LRRC37A2: variants seen among roughly 807,000 people sequenced by gnomAD.
LRRC37A2 encodes the protein leucine rich repeat containing 37 member A2, also known as leucine-rich repeat-containing protein 37A2.
Under a neutral mutation model 68.8 loss-of-function variants are expected in LRRC37A2, and 9 were observed. The ratio of observed to expected loss-of-function variants is 0.13; its 90% CI spans 0.08 to 0.23. LRRC37A2 has a LOEUF of 0.23. LRRC37A2 is among the 10% of genes least tolerant of loss of function. The probability of loss-of-function intolerance (pLI) is 1.00; values close to 1 mark genes in which losing one functional copy is unlikely to be tolerated. For synonymous variants in LRRC37A2, 63 were observed against 367.6 expected (o/e 0.17, Z 9.48); for missense variants, 168 against 950.4 (o/e 0.18, Z 10.82).
At chr17:46,895,151 G>C in the LRRC37A2 span, among the ~76,000 whole-genome samples, 1 of 152,230 alleles carries the variant, frequency 6.6e-6, no homozygotes. Flanking sequence ...GAGAGGACAC[G>C]GGGCCATCAG....
chr17:46,936,102 T>G, the LRRC37A2 span: 45 of 985,824 alleles, frequency 4.6e-5, no homozygotes, highest in Non-Finnish European at 5.3e-5. Flanking sequence ...CACCTCCTGC[T>G]GACAGTTGCA....
At chr17:46,758,013 A>G in the LRRC37A2 span, among the ~76,000 whole-genome samples, 4 of 151,882 alleles carry the variant, frequency 2.6e-5, no homozygotes, top group Non-Finnish European at 4.4e-5. Context: ...AAAAAAAAAA[A>G]TCAACTCAGG....
the LRRC37A2 span, among the ~76,000 whole-genome samples, chr17:46,828,071 C>T: frequency 2.0e-5 from 3 of 152,092 alleles, no homozygotes; most frequent in Admixed American, 6.5e-5. Context: ...CATGATCCGC[C>T]CACCTCGGCC....
chr17:46,553,964 T>C (rs2057092183), intron 12 of LRRC37A2: 1 of 969,094 alleles, frequency 1.0e-6, no homozygotes, highest in African/African-American at 2.0e-5. Context: ...GAGAGGGCAC[T>C]TGTCTCCTTC....
the LRRC37A2 span, among the ~76,000 whole-genome samples, chr17:47,009,361 C>T: frequency 1.3e-5 from 2 of 152,168 alleles, 1 homozygote; most frequent in South Asian, 4.1e-4. Flanking sequence ...TGCCCTGAGC[C>T]GCACATCCAG....
At chr17:46,920,824 T>A in the LRRC37A2 span, among the ~76,000 whole-genome samples, 1 of 152,054 alleles carries the variant, frequency 6.6e-6, no homozygotes, top group Non-Finnish European at 1.5e-5. Flanking sequence ...CAAAATAGAG[T>A]CACTCATGCT....
At chr17:46,833,606 G>A in the LRRC37A2 span, among the ~76,000 whole-genome samples, 1 of 152,144 alleles carries the variant, frequency 6.6e-6, no homozygotes, top group Non-Finnish European at 1.5e-5. Context: ...CTGCTTCCCT[G>A]GCTCATGGAG....
chr17:47,043,324 T>C, the LRRC37A2 span, among the ~76,000 whole-genome samples: 3 of 151,936 alleles, frequency 2.0e-5, no homozygotes, highest in Non-Finnish European at 4.4e-5. Flanking sequence ...GCCTAATACA[T>C]TTCAGACATC....
At chr17:46,781,795 T>G in the LRRC37A2 span, among the ~76,000 whole-genome samples, 1 of 152,208 alleles carries the variant, frequency 6.6e-6, no homozygotes, top group South Asian at 2.1e-4. Flanking sequence ...AGAGCCCCTG[T>G]GCAGGACGAA....
At chr17:46,866,571 G>A in the LRRC37A2 span, among the ~76,000 whole-genome samples, 1 of 152,090 alleles carries the variant, frequency 6.6e-6, no homozygotes, top group Non-Finnish European at 1.5e-5. Flanking sequence ...CCATGCAAAT[G>A]GCCTTGCAGC....
the LRRC37A2 span, chr17:46,978,841 G>C: frequency 6.2e-7 from 1 of 1,600,538 alleles, no homozygotes; most frequent in Non-Finnish European, 8.5e-7. Flanking sequence ...CTCGTCGGGC[G>C]CCAGCCCCGC....
chr17:46,966,904 T>C, the LRRC37A2 span: 2 of 396,394 alleles, frequency 5.0e-6, no homozygotes, highest in Non-Finnish European at 8.9e-6. Context: ...TAAAGGGAAA[T>C]CATTTTCATG....
chr17:46,915,457 C>T, the LRRC37A2 span, among the ~76,000 whole-genome samples: 6 of 152,130 alleles, frequency 3.9e-5, no homozygotes, highest in African/African-American at 1.4e-4. Context: ...TCTGTTGGTC[C>T]AGGAAGTCAT....
the LRRC37A2 span, chr17:46,924,454 T>C: frequency 6.6e-6 from 1 of 152,250 alleles, no homozygotes; most frequent in East Asian, 1.9e-4. Context: ...TAGTTTCTCT[T>C]CTCAATTTTT....
chr17:46,858,924 C>T, the LRRC37A2 span, among the ~76,000 whole-genome samples: 1 of 151,554 alleles, frequency 6.6e-6, no homozygotes, highest in Non-Finnish European at 1.5e-5. Context: ...GCCTCGGCCT[C>T]TCAAACTGCT....
At chr17:46,930,980 C>G in the LRRC37A2 span, 1 of 693,904 alleles carries the variant, frequency 1.4e-6, no homozygotes, top group Non-Finnish European at 2.6e-6. Context: ...ACATTTTTCT[C>G]CTTTTGAAAT....
the LRRC37A2 span, among the ~76,000 whole-genome samples, chr17:46,870,014 A>G: frequency 6.6e-6 from 1 of 152,186 alleles, no homozygotes; most frequent in Non-Finnish European, 1.5e-5. Flanking sequence ...AAAATGTTAT[A>G]TATCATGTCA....
At chr17:46,724,299 G>T in the LRRC37A2 span, among the ~76,000 whole-genome samples, 2 of 152,160 alleles carry the variant, frequency 1.3e-5, no homozygotes, top group African/African-American at 4.8e-5. Context: ...AATCTCAGTG[G>T]CTTAACACAA....
At chr17:46,718,118 T>A in the LRRC37A2 span, among the ~76,000 whole-genome samples, 3 of 152,232 alleles carry the variant, frequency 2.0e-5, no homozygotes, top group African/African-American at 7.2e-5. Flanking sequence ...GACTGACAGC[T>A]GGTCCTGAGG....
Sources: gnomAD v4.1 joint callset for allele counts (sites outside exome capture counted in the v4.1 genomes callset) on GRCh38, gnomAD v4.1.1 for gene constraint, MANE v1.5 for transcripts, NCBI Gene and HGNC (gene_info 2026-07-23, HGNC 2026-07-21) for gene names.